SRGAP1: variants seen among roughly 807,000 people sequenced by gnomAD.
SRGAP1 encodes SLIT-ROBO Rho GTPase-activating protein 1.
A neutral mutation model predicts 121.9 loss-of-function variants in SRGAP1; 43 were observed. The observed-to-expected ratio is 0.35, with a 90% CI of 0.28 to 0.46. The LOEUF is 0.46. Among genes scored for constraint, SRGAP1 ranks in the 20% least tolerant of loss-of-function variants. The pLI is 1.00. For missense variants in SRGAP1, 1,102 were observed against 1,350.9 expected, an observed-to-expected ratio of 0.82 and a Z score of 2.89; for synonymous variants, 447 against 485.4, an observed-to-expected ratio of 0.92 and a Z score of 1.04.
chr12:64,122,869 G>T (rs773058570), intron 18 of SRGAP1, among the ~76,000 whole-genome samples: 6 of 152,158 alleles, frequency 3.9e-5, no homozygotes, highest in Non-Finnish European at 7.4e-5. Flanking sequence ...CTGCACTCCA[G>T]CCTGGGAACA....
chr12:63,865,807 A>G (rs1260686385), intron 1 of SRGAP1, among the ~76,000 whole-genome samples: 1 of 152,150 alleles, frequency 6.6e-6, no homozygotes, highest in African/African-American at 2.4e-5. Context: ...TCTCAGATGT[A>G]ATGGGTTTGC....
At chr12:63,866,127 A>G (rs957975951) in intron 1 of SRGAP1, among the ~76,000 whole-genome samples, 4 of 152,170 alleles carry the variant, frequency 2.6e-5, no homozygotes, top group Non-Finnish European at 5.9e-5. Flanking sequence ...AATATGCTTC[A>G]AATGCTGAAT....
rs544591037 is a variant in SRGAP1 at position 64,030,907 on chromosome 12, G to A, written c.490-11883G>A. Reference sequence around the variant, plus strand: ...GCCTTGGAGCCCATGGAGAATTCCCGGAGGAATCTTATATCCCTGGCATAG... The same window carrying A: ...GCCTTGGAGCCCATGGAGAATTCCCAGAGGAATCTTATATCCCTGGCATAG... On this transcript the variant is annotated intron_variant, in intron 4 of 21. Coordinates refer to ENST00000355086, the MANE Select transcript of SRGAP1 (RefSeq NM_020762.4). Among the ~76,000 whole-genome samples, 10 of 152,292 alleles carry A rather than the reference G, an allele frequency of 6.6e-5. No individual in the cohort carries two copies. In the East Asian group the frequency reaches 7.7e-4, roughly 12 times the overall value.
At chr12:64,029,160 C>T (rs2034719924) in intron 4 of SRGAP1, among the ~76,000 whole-genome samples, 1 of 152,078 alleles carries the variant, frequency 6.6e-6, no homozygotes, top group Non-Finnish European at 1.5e-5. Context: ...CTTTCCGGGT[C>T]GCTGCCAGCA....
intron 1 of SRGAP1, among the ~76,000 whole-genome samples, chr12:63,975,141 T>C (rs920048468): frequency 1.6e-4 from 24 of 152,242 alleles, no homozygotes; most frequent in Admixed American, 4.6e-4. Context: ...CCATCACCTT[T>C]GGAAGGGAAA....
chr12:63,947,151 T>G (rs1490327188), intron 1 of SRGAP1, among the ~76,000 whole-genome samples: 4 of 152,204 alleles, frequency 2.6e-5, no homozygotes, highest in Non-Finnish European at 5.9e-5. Context: ...TCTTAGGTAC[T>G]TAGGAGTAGA....
At chr12:63,947,341 T>C (rs1278202677) in intron 1 of SRGAP1, among the ~76,000 whole-genome samples, 1 of 152,222 alleles carries the variant, frequency 6.6e-6, no homozygotes, top group Non-Finnish European at 1.5e-5. Context: ...TGACTGTGTA[T>C]TGGTATCTTA....
intron 3 of SRGAP1, among the ~76,000 whole-genome samples, chr12:64,009,093 CAT>C (rs2034179118): frequency 6.6e-6 from 1 of 152,162 alleles, no homozygotes; most frequent in African/African-American, 2.4e-5. Context: ...CTAAAGAAGA[CAT>C]ATTATTATGG....
chr12:63,892,705 T>C (rs1857628818), intron 1 of SRGAP1, among the ~76,000 whole-genome samples: 1 of 152,168 alleles, frequency 6.6e-6, no homozygotes, highest in Non-Finnish European at 1.5e-5. Flanking sequence ...AAGCTGGACT[T>C]AGAAAGTGGC....
intron 18 of SRGAP1, among the ~76,000 whole-genome samples, chr12:64,123,586 T>C (rs1200573048): frequency 2.0e-5 from 3 of 152,092 alleles, no homozygotes; most frequent in Non-Finnish European, 4.4e-5. Flanking sequence ...AAAATATAAT[T>C]TGGGGGAATA....
At chr12:63,986,021 C>T (rs1269424780) in intron 2 of SRGAP1, among the ~76,000 whole-genome samples, 1 of 152,204 alleles carries the variant, frequency 6.6e-6, no homozygotes, top group Non-Finnish European at 1.5e-5. Flanking sequence ...GAAGCAAACA[C>T]AAAACTATTC....
chr12:63,933,943 C>A (rs1414343944), intron 1 of SRGAP1, among the ~76,000 whole-genome samples: 1 of 152,162 alleles, frequency 6.6e-6, no homozygotes, highest in Non-Finnish European at 1.5e-5. Flanking sequence ...AAGCCACTTA[C>A]TATAAATATA....
At position 64,117,896 on chromosome 12, in the gene SRGAP1, C is replaced by T. The variant is rs183968017; in HGVS notation, c.2224+2003C>T. On this transcript the variant is annotated intron_variant, in intron 18 of 21. Coordinates refer to ENST00000355086, the MANE Select transcript of SRGAP1 (RefSeq NM_020762.4). ...GGCTTATTTCACTTAGCAAAATGTC[C>T]TCCAGGTTCATCCATGCTGTCACAT... Among the ~76,000 whole-genome samples the T allele has an allele frequency of 1.5e-3, 221 of 152,274 alleles. 1 individual carries two copies. The highest frequency in any genetic ancestry group is 5.2e-3 in the African/African-American group (217 of 41,548).
intron 8 of SRGAP1, among the ~76,000 whole-genome samples, chr12:64,074,984 T>C (rs2035707911): frequency 6.6e-6 from 1 of 151,638 alleles, no homozygotes; most frequent in South Asian, 2.1e-4. Flanking sequence ...ATTGTGTTTG[T>C]CATTACCAGA....
At chr12:64,139,746 T>G (rs904500154) in intron 21 of SRGAP1, among the ~76,000 whole-genome samples, 3 of 151,928 alleles carry the variant, frequency 2.0e-5, no homozygotes, top group African/African-American at 7.2e-5. Flanking sequence ...TTTAGTTTAA[T>G]TAGATCCCAT....
At chr12:64,120,009 A>C (rs1217963017) in intron 18 of SRGAP1, among the ~76,000 whole-genome samples, 1 of 151,586 alleles carries the variant, frequency 6.6e-6, no homozygotes, top group Admixed American at 6.6e-5. Flanking sequence ...GACCTCAGGT[A>C]ATCCACCCGC....
chr12:63,929,282 T>A (rs2031374714), intron 1 of SRGAP1, among the ~76,000 whole-genome samples: 1 of 152,266 alleles, frequency 6.6e-6, no homozygotes, highest in Non-Finnish European at 1.5e-5. Context: ...CCTAAGTATC[T>A]GTTTCAGTTT....
Position 63,888,469 on chromosome 12 carries a change from A to G in SRGAP1, c.67+43586A>G, listed in dbSNP as rs1189083012. On this transcript the variant is annotated intron_variant, in intron 1 of 21. Transcript: ENST00000355086. ...TTTTTCTTTCCCAAATTGGTTTATT[A>G]TAAACCCGAGATGCACCAGATCACA... 3 of 152,272 alleles carry G rather than the reference A, an allele frequency of 2.0e-5. 1 individual carries two copies. Among genetic ancestry groups the G allele is most frequent in the Admixed American group, 2.0e-4 (3 of 15,290 alleles). The allele number at this position is 152,272 out of a possible 1,614,324, so 9.4% of individuals were successfully genotyped here. A position where few individuals can be genotyped will look rare whatever the true frequency, so the allele number is the denominator to read the frequency against.
At chr12:63,939,590 C>T (rs140582185) in intron 1 of SRGAP1, among the ~76,000 whole-genome samples, 70 of 152,234 alleles carry the variant, frequency 4.6e-4, no homozygotes, top group Non-Finnish European at 1.8e-4. Flanking sequence ...AATGAGTGGG[C>T]CCCTGGCTTC....
Sources: allele counts gnomAD v4.1 joint callset (sites outside exome capture counted in the v4.1 genomes callset), GRCh38; gene constraint gnomAD v4.1.1; transcripts MANE v1.5; gene names NCBI Gene and HGNC (gene_info 2026-07-23, HGNC 2026-07-21).